The following ZDHHC11B variants were observed in gnomAD, a reference collection of about 807,000 sequenced individuals.
The protein encoded by ZDHHC11B is zDHHC palmitoyltransferase 11B (putative), also known as probable palmitoyltransferase ZDHHC11B.
A neutral mutation model predicts 42.3 loss-of-function variants in ZDHHC11B; 17 were observed. The ratio of observed to expected loss-of-function variants is 0.40; its 90% CI spans 0.27 to 0.60. The LOEUF (loss-of-function observed/expected upper bound fraction) is 0.60. Among genes scored for constraint, ZDHHC11B ranks in the 20% least tolerant of loss-of-function variants. ZDHHC11B has a pLI of 0.41. For synonymous variants in ZDHHC11B, 123 were observed against 193.5 expected, an observed-to-expected ratio of 0.64 and a Z score of 3.02; for missense variants, 262 against 463.2, an observed-to-expected ratio of 0.57 and a Z score of 3.99.
chr5:776,681 A>T (rs1193615489), intron 1 of ZDHHC11B, among the ~76,000 whole-genome samples: 1 of 151,908 alleles, frequency 6.6e-6, no homozygotes, highest in Non-Finnish European at 1.5e-5. Context: ...GAGTGGACAG[A>T]GCCCCTGTGG....
intron 1 of ZDHHC11B, among the ~76,000 whole-genome samples, chr5:769,666 A>G (rs1418876580): frequency 6.6e-6 from 1 of 151,898 alleles, no homozygotes; most frequent in Non-Finnish European, 1.5e-5. Context: ...CAAGCCTCTT[A>G]ATTACTTCCA....
At chr5:777,081 C>T (rs1736567399) in intron 1 of ZDHHC11B, among the ~76,000 whole-genome samples, 1 of 151,894 alleles carries the variant, frequency 6.6e-6, no homozygotes, top group Non-Finnish European at 1.5e-5. Context: ...AATGAAGCTG[C>T]GGAGCCCCGC....
At chr5:722,510 C>T (rs1211151042) in intron 12 of ZDHHC11B, among the ~76,000 whole-genome samples, 4 of 151,596 alleles carry the variant, frequency 2.6e-5, no homozygotes, top group South Asian at 2.1e-4. Context: ...TCACACTACT[C>T]GACTGTCAAT....
At chr5:763,243 C>A (rs187884892) in intron 4 of ZDHHC11B, among the ~76,000 whole-genome samples, 334 of 151,462 alleles carry the variant, frequency 2.2e-3, no homozygotes, top group Middle Eastern at 0.017. Context: ...GTGGCACACA[C>A]CTGTAGTCCC....
At position 766,762 on chromosome 5, in the gene ZDHHC11B, G is replaced by A. The variant is rs1561189580; in HGVS notation, c.158C>T (p.Ser53Phe). The A allele has an allele frequency of 6.2e-7, 1 of 1,612,458 alleles. No homozygotes were observed. Among genetic ancestry groups the A allele is most frequent in the East Asian group, 2.2e-5 (1 of 44,850 alleles). ...VVTWAVFVGL[S>F]LATFRIFIPL... The stretch of plus-strand genomic sequence containing the variant: ...AATGAAGATCCTGAAGGTGGCCAAG[G>A]AAAGGCCAACGAAGACAGCCCAAGT... Residue 53 changes from serine to phenylalanine, a missense_variant, in exon 4 of 14, where the codon TCC (serine) becomes TTC (phenylalanine). This residue lies in a region of ZDHHC11B where 97 missense variants were observed against 98.1 expected (regional missense o/e 0.99). Transcript: ENST00000508859.
chr5:758,948 C>T (rs1318747573), intron 4 of ZDHHC11B, among the ~76,000 whole-genome samples: 1 of 151,864 alleles, frequency 6.6e-6, no homozygotes, highest in South Asian at 2.1e-4. Flanking sequence ...CTGCCCATCA[C>T]CCACTCGGGT....
chr5:717,322 C>A (rs189084983), intron 12 of ZDHHC11B, among the ~76,000 whole-genome samples: 130 of 151,742 alleles, frequency 8.6e-4, no homozygotes, highest in Middle Eastern at 3.4e-3. Flanking sequence ...TTGTTCTCTG[C>A]CCTGATGTTA....
chr5:713,388 T>C (rs1741514032), intron 13 of ZDHHC11B, among the ~76,000 whole-genome samples: 1 of 152,060 alleles, frequency 6.6e-6, no homozygotes, highest in African/African-American at 2.4e-5. Flanking sequence ...ATTTCTGACT[T>C]TGTGTTTTCT....
chr5:724,532 C>T (rs866749071), intron 12 of ZDHHC11B, among the ~76,000 whole-genome samples: 3 of 145,180 alleles, frequency 2.1e-5, no homozygotes, highest in South Asian at 2.3e-4. Context: ...CCTGCCACTA[C>T]GCCTGGCTAA....
intron 7 of ZDHHC11B, among the ~76,000 whole-genome samples, 184 bp downstream of exon 7, chr5:750,949 T>C (rs1228614835): frequency 2.7e-5 from 3 of 112,036 alleles, no homozygotes; most frequent in African/African-American, 8.3e-5. Context: ...TCCCGCGCGC[T>C]GGGGGCTGCT....
Position 711,126 on chromosome 5 carries a change from C to A in ZDHHC11B, c.*1164G>T, listed in dbSNP as rs1203091403. ...ATTTTCCAGTACTGTGCTCCCATTTCCCAGTACTATGGGCTCCCCTTTCCC... is the reference window on the plus strand; with the variant it reads ...ATTTTCCAGTACTGTGCTCCCATTTACCAGTACTATGGGCTCCCCTTTCCC... On this transcript the variant is annotated 3_prime_UTR_variant, in exon 14 of 14. Transcript: ENST00000508859. 1 of 154,894 alleles carries A rather than the reference C, an allele frequency of 6.5e-6. No individual in the cohort carries two copies. The highest frequency in any genetic ancestry group is 1.4e-5 in the Non-Finnish European group (1 of 68,996). The allele number at this position is 154,894 out of a possible 1,614,324, so 9.6% of individuals were successfully genotyped here.
At chr5:775,336 C>T (rs1291773729) in intron 1 of ZDHHC11B, among the ~76,000 whole-genome samples, 4 of 151,926 alleles carry the variant, frequency 2.6e-5, no homozygotes, top group African/African-American at 9.7e-5. Flanking sequence ...CCTCAGTCTC[C>T]TCATCCTTGA....
intron 1 of ZDHHC11B, among the ~76,000 whole-genome samples, chr5:774,793 G>A (rs1425036612): frequency 6.6e-6 from 1 of 151,656 alleles, no homozygotes; most frequent in Non-Finnish European, 1.5e-5. Context: ...CCTTGGGCCT[G>A]GAGCCTGTAA....
chr5:773,864 T>G (rs1222015849), intron 1 of ZDHHC11B, among the ~76,000 whole-genome samples: 4 of 151,774 alleles, frequency 2.6e-5, no homozygotes, highest in Admixed American at 6.6e-5. Flanking sequence ...GTCAGGAGGA[T>G]GGTGCCTACG....
At chr5:721,131 C>G (rs1170054342) in intron 12 of ZDHHC11B, among the ~76,000 whole-genome samples, 1 of 151,480 alleles carries the variant, frequency 6.6e-6, no homozygotes, top group African/African-American at 2.4e-5. Flanking sequence ...GGTATTCAAA[C>G]TAGGGTGTTA....
intron 12 of ZDHHC11B, among the ~76,000 whole-genome samples, chr5:728,045 T>C (rs403068): frequency 0.32 from 41,152 of 129,386 alleles, 5,401 homozygotes; most frequent in Middle Eastern, 0.37. Flanking sequence ...CTATCCCTAA[T>C]GTGCAAAGAG....
At position 767,523 on chromosome 5, in the gene ZDHHC11B, G is replaced by A. The variant is rs1735621812; in HGVS notation, c.-132C>T. ...CAGTAGTGGCACTGGAGAGAAAGGT[G>A]ACTGGGAGGAAGAGGAGAAAGAGAG... On this transcript the variant is annotated splice_region_variant and 5_prime_UTR_variant, in exon 3 of 14. Coordinates refer to ENST00000508859, the MANE Select transcript of ZDHHC11B (RefSeq NM_001351303.2). 6.9e-7 allele frequency: 1 copy of A among 1,454,754 alleles called. No homozygotes were observed. The highest frequency in any genetic ancestry group is 1.5e-5 in the African/African-American group (1 of 67,950). 90.1% of individuals were successfully genotyped at this position (1,454,754 alleles called of 1,614,324 possible). A position where few individuals can be genotyped will look rare whatever the true frequency, so the allele number is the denominator to read the frequency against.
chr5:743,722 T>A (rs1488982288), intron 9 of ZDHHC11B, among the ~76,000 whole-genome samples: 1 of 149,878 alleles, frequency 6.7e-6, no homozygotes, highest in Non-Finnish European at 1.5e-5. Flanking sequence ...GATGTGCGAG[T>A]GTGTATTTTA....
At chr5:746,385 T>A (rs1385469188) in intron 8 of ZDHHC11B, among the ~76,000 whole-genome samples, 25 of 144,812 alleles carry the variant, frequency 1.7e-4, no homozygotes, top group African/African-American at 5.9e-4. Flanking sequence ...CTCCTGGACA[T>A]CCCGGAGTCA....
Sources: allele counts gnomAD v4.1 joint callset (sites outside exome capture counted in the v4.1 genomes callset), GRCh38; gene constraint gnomAD v4.1.1; regional missense constraint gnomAD v4.1.1; transcripts MANE v1.5; gene names NCBI Gene and HGNC (gene_info 2026-07-23, HGNC 2026-07-21).